KAZN: variants seen among roughly 807,000 people sequenced by gnomAD.
KAZN encodes kazrin, periplakin interacting protein, also known as kazrin.
In KAZN, 40 loss-of-function variants were observed where a neutral mutation model predicts 87.4. The observed-to-expected ratio is 0.46, with a 90% CI of 0.36 to 0.60. The LOEUF (loss-of-function observed/expected upper bound fraction) is 0.60, where lower values mean the gene tolerates loss of function less well. KAZN is among the 20% of genes least tolerant of loss of function. The pLI, the probability that KAZN is intolerant of heterozygous loss-of-function variation, is 0.00. For synonymous variants in KAZN, 466 were observed against 458.3 expected, an observed-to-expected ratio of 1.02 and a Z score of -0.22; for missense variants, 898 against 1,073.9, an observed-to-expected ratio of 0.84 and a Z score of 2.29.
At chr1:14,056,431 T>C (rs964698610) in intron 1 of KAZN, among the ~76,000 whole-genome samples, 1 of 151,970 alleles carries the variant, frequency 6.6e-6, no homozygotes, top group African/African-American at 2.4e-5. Context: ...ACTCTAGAAG[T>C]TGGAAAAAAG....
At chr1:14,159,229 TG>T (rs1645659878) in intron 1 of KAZN, among the ~76,000 whole-genome samples, 1 of 152,208 alleles carries the variant, frequency 6.6e-6, no homozygotes, top group Non-Finnish European at 1.5e-5. Flanking sequence ...TGTCCAGAAG[TG>T]CTGTCTGGGA....
At chr1:13,904,574 T>C (rs1391699028) in intron 1 of KAZN, among the ~76,000 whole-genome samples, 1 of 152,238 alleles carries the variant, frequency 6.6e-6, no homozygotes, top group Non-Finnish European at 1.5e-5. Flanking sequence ...TTATTTTCTC[T>C]CAACATTTTG....
chr1:14,828,120 C>T (rs1646950658), intron 1 of KAZN, among the ~76,000 whole-genome samples: 1 of 152,192 alleles, frequency 6.6e-6, no homozygotes, highest in African/African-American at 2.4e-5. Context: ...CATCCCTTGG[C>T]ATACACAATC....
chr1:14,122,103 T>C (rs1197516798), intron 1 of KAZN, among the ~76,000 whole-genome samples: 2 of 152,072 alleles, frequency 1.3e-5, no homozygotes, highest in Non-Finnish European at 2.9e-5. Context: ...CAGCTGTCAA[T>C]TGGTGTAGAC....
Position 14,025,323 on chromosome 1 carries a change from A to G in KAZN, c.91+131567A>G, listed in dbSNP as rs532964031. ...CTCTGCTCAGTTCTGACTAAATAAG[A>G]TTTGGAAATTCTTTGTATTTGTGTC... On this transcript the variant is annotated intron_variant, in intron 1 of 16. Coordinates refer to the KAZN transcript ENST00000636203. Among the ~76,000 whole-genome samples the G allele has an allele frequency of 2.4e-4, 36 of 152,328 alleles. No homozygotes were observed. In the South Asian group the frequency reaches 7.5e-3, roughly 32 times the overall value.
intron 1 of KAZN, among the ~76,000 whole-genome samples, chr1:14,751,321 C>T (rs1644407100): frequency 6.6e-6 from 1 of 152,152 alleles, no homozygotes; most frequent in Non-Finnish European, 1.5e-5. Flanking sequence ...TGTTCTGTAA[C>T]CTGCTTTTTC....
rs60728794 is a variant in KAZN at position 13,945,679 on chromosome 1, TTGTG to T, written c.91+51952_91+51955del. Among the ~76,000 whole-genome samples the T allele has an allele frequency of 3.9e-4, 48 of 123,350 alleles. 1 individual carries two copies. The highest frequency in any genetic ancestry group is 1.5e-3 in the Admixed American group (17 of 11,518). The allele number at this position is 123,350 out of a possible 152,430, so 80.9% of individuals were successfully genotyped here. On this transcript the variant is annotated intron_variant, in intron 1 of 16. Transcript: ENST00000636203. Reference sequence around the variant, plus strand: ...TTTTTAAATGACATTTGCTCTCAGTTTGTGTGTGTGTGTGTGTGTGTGTGTGTGT... The same window carrying T: ...TTTTTAAATGACATTTGCTCTCAGTTTGTGTGTGTGTGTGTGTGTGTGTGT...
chr1:14,369,454 A>G (rs533018104), intron 2 of KAZN, among the ~76,000 whole-genome samples: 4 of 152,280 alleles, frequency 2.6e-5, no homozygotes, highest in East Asian at 1.9e-4. Context: ...CGCTTCAAAG[A>G]AGGAGCCTTG....
At chr1:14,438,378 A>G (rs987900168) in intron 2 of KAZN, among the ~76,000 whole-genome samples, 2 of 152,232 alleles carry the variant, frequency 1.3e-5, no homozygotes, top group African/African-American at 4.8e-5. Context: ...TAAGCAAGAC[A>G]TATGACATGT....
chr1:14,984,879 T>C (rs928210510), intron 2 of KAZN, among the ~76,000 whole-genome samples: 12 of 152,202 alleles, frequency 7.9e-5, no homozygotes, highest in Non-Finnish European at 1.6e-4. Flanking sequence ...AAGGAGGGCC[T>C]GTAATCCCAG....
intron 1 of KAZN, among the ~76,000 whole-genome samples, chr1:14,172,626 A>G (rs1557535057): frequency 6.6e-6 from 1 of 152,238 alleles, no homozygotes; most frequent in Non-Finnish European, 1.5e-5. Flanking sequence ...TTATGCTCTC[A>G]GCTTTGTGGG....
At position 14,200,286 on chromosome 1, in the gene KAZN, T is replaced by TA. The variant is rs1268271331; in HGVS notation, c.249+19700dup. Among the ~76,000 whole-genome samples the TA allele has an allele frequency of 3.3e-5, 5 of 152,274 alleles. No homozygotes were observed. In the East Asian group the frequency reaches 9.7e-4, roughly 29 times the overall value. ...ATGTCCATAATAAATTGGTAAATTT[T>TA]AAAAAAGCTTAGAAGAAAGTACACA... On this transcript the variant is annotated intron_variant, in intron 2 of 16. Transcript: ENST00000636203.
At chr1:14,881,729 C>T (rs12732106) in intron 1 of KAZN, among the ~76,000 whole-genome samples, 64,733 of 152,034 alleles carry the variant, frequency 0.43, 14,241 homozygotes, top group Non-Finnish European at 0.48. Flanking sequence ...CACTTCCCAG[C>T]CAGAAGACCT....
chr1:14,243,692 C>T (rs1649219323), intron 2 of KAZN, among the ~76,000 whole-genome samples: 1 of 152,148 alleles, frequency 6.6e-6, no homozygotes, highest in African/African-American at 2.4e-5. Context: ...AAAGAATTTG[C>T]CTGCTCTATG....
chr1:14,719,471 A>G (rs566661804), intron 1 of KAZN, among the ~76,000 whole-genome samples: 2 of 152,326 alleles, frequency 1.3e-5, no homozygotes, highest in South Asian at 4.1e-4. Flanking sequence ...ACAGGAGGAA[A>G]AGAAGATGGG....
chr1:14,628,197 G>A (rs909724531), intron 1 of KAZN, among the ~76,000 whole-genome samples: 5 of 152,218 alleles, frequency 3.3e-5, no homozygotes, highest in Admixed American at 6.5e-5. Context: ...GTTCTGTGTA[G>A]CATGCATGCC....
chr1:14,781,183 A>G lies in KAZN; in HGVS notation c.227-179501A>G, dbSNP rs937334262. Among the ~76,000 whole-genome samples, 7 of 152,184 alleles carry G rather than the reference A, an allele frequency of 4.6e-5. 2 individuals are homozygous for G. The highest frequency in any genetic ancestry group is 3.9e-4 in the Admixed American group (6 of 15,276). On this transcript the variant is annotated intron_variant, in intron 1 of 14. Transcript: ENST00000376030. ...TAAAAATACAAAAAATTAGCCGGGC[A>G]TGGTGGCAGGCACCTGTAGTCCCAG...
intron 1 of KAZN, among the ~76,000 whole-genome samples, chr1:13,950,577 T>C (rs751092054): frequency 6.6e-6 from 1 of 152,156 alleles, no homozygotes; most frequent in Non-Finnish European, 1.5e-5. Flanking sequence ...TAGTAGTTGA[T>C]GTGTTCAAAT....
intron 1 of KAZN, among the ~76,000 whole-genome samples, chr1:14,024,066 T>C (rs1432841915): frequency 6.6e-6 from 1 of 152,180 alleles, no homozygotes; most frequent in Non-Finnish European, 1.5e-5. Context: ...TAGGATTATC[T>C]TGTTAGGGAT....
Sources: allele counts gnomAD v4.1 joint callset (sites outside exome capture counted in the v4.1 genomes callset), GRCh38; gene constraint gnomAD v4.1.1; transcripts MANE v1.5; gene names NCBI Gene and HGNC (gene_info 2026-07-23, HGNC 2026-07-21).